The following HS3ST5 variants were observed in gnomAD, a reference collection of about 807,000 sequenced individuals.
HS3ST5 encodes heparan sulfate glucosamine 3-O-sulfotransferase 5.
Under a neutral mutation model 25.4 loss-of-function variants are expected in HS3ST5, and 10 were observed. The ratio of observed to expected loss-of-function variants is 0.39; its 90% CI spans 0.24 to 0.67. HS3ST5 has a LOEUF of 0.67. Ranked by LOEUF, HS3ST5 falls within the 30% of genes least tolerant of loss-of-function variation. The pLI is 0.44. For synonymous variants in HS3ST5, 170 were observed against 162.4 expected (o/e 1.05, Z -0.36); for missense variants, 324 against 420.7 (o/e 0.77, Z 2.01).
At chr6:114,168,268 A>C (rs966006712) in intron 3 of HS3ST5, 83 bp downstream of exon 3, 7 of 152,294 alleles carry the variant, frequency 4.6e-5, no homozygotes, top group African/African-American at 1.7e-4. Flanking sequence ...GAGTGATGAG[A>C]TGGCAGGTAT....
chr6:114,137,603 C>A (rs1777692345), intron 3 of HS3ST5, among the ~76,000 whole-genome samples: 1 of 152,168 alleles, frequency 6.6e-6, no homozygotes, highest in Non-Finnish European at 1.5e-5. Context: ...CAAGTTGTGT[C>A]TCTCCTGAAG....
At chr6:114,063,700 G>A (rs1773278243) in intron 3 of HS3ST5, among the ~76,000 whole-genome samples, 1 of 152,142 alleles carries the variant, frequency 6.6e-6, no homozygotes. Context: ...GAAGAAGGGG[G>A]TGAAATCGAA....
At chr6:114,084,553 G>A in intron 3 of HS3ST5, 1 of 760,732 alleles carries the variant, frequency 1.3e-6, no homozygotes, top group East Asian at 2.4e-5. Context: ...CGCTGAGTGA[G>A]CTCCCTCGTT....
intron 1 of HS3ST5, among the ~76,000 whole-genome samples, chr6:114,237,638 G>A (rs1771920493): frequency 6.6e-6 from 1 of 152,188 alleles, no homozygotes; most frequent in Non-Finnish European, 1.5e-5. Flanking sequence ...TGAGCTGAGA[G>A]TCACTGAATA....
intron 1 of HS3ST5, among the ~76,000 whole-genome samples, chr6:114,253,955 T>C (rs1772783017): frequency 6.6e-6 from 1 of 151,926 alleles, no homozygotes; most frequent in Non-Finnish European, 1.5e-5. Flanking sequence ...AGAGATTGTG[T>C]GCAATGGGTA....
chr6:114,287,814 C>A (rs1363112437), intron 1 of HS3ST5, among the ~76,000 whole-genome samples: 3 of 151,976 alleles, frequency 2.0e-5, no homozygotes, highest in Non-Finnish European at 4.4e-5. Flanking sequence ...TTGTCCAATG[C>A]TGGCTATTTT....
At chr6:114,300,163 T>A (rs1775011131) in intron 1 of HS3ST5, among the ~76,000 whole-genome samples, 1 of 151,558 alleles carries the variant, frequency 6.6e-6, no homozygotes, top group Non-Finnish European at 1.5e-5. Context: ...CCGGATTTCA[T>A]CAAAATTAAA....
At chr6:114,143,894 C>T (rs1778028369) in intron 3 of HS3ST5, 1 of 152,668 alleles carries the variant, frequency 6.6e-6, no homozygotes, top group African/African-American at 2.4e-5. Context: ...CTCCGCCTTT[C>T]CCAATAAACT....
chr6:114,201,638 A>G (rs1445445943), intron 2 of HS3ST5, among the ~76,000 whole-genome samples: 1 of 152,170 alleles, frequency 6.6e-6, no homozygotes, highest in East Asian at 1.9e-4. Flanking sequence ...CCTAAACGTC[A>G]GCTTCTCAAT....
chr6:114,222,843 T>C (rs1373323279), intron 2 of HS3ST5, among the ~76,000 whole-genome samples: 1 of 151,874 alleles, frequency 6.6e-6, no homozygotes, highest in African/African-American at 2.4e-5. Context: ...AATGTCTTAG[T>C]GACCTACTCT....
At chr6:114,159,084 AT>A (rs1454171053) in intron 3 of HS3ST5, among the ~76,000 whole-genome samples, 2 of 152,236 alleles carry the variant, frequency 1.3e-5, no homozygotes, top group Admixed American at 6.5e-5. Context: ...AAACCTAGAA[AT>A]TATTTACCCA....
intron 3 of HS3ST5, chr6:114,084,546 TGA>T (rs946575321): frequency 1.4e-4 from 109 of 760,494 alleles, no homozygotes; most frequent in South Asian, 3.5e-4. Context: ...TCACACCCGC[TGA>T]GTGAGCTCCC....
chr6:114,143,451 C>A (rs965552478), intron 3 of HS3ST5, among the ~76,000 whole-genome samples: 2 of 152,112 alleles, frequency 1.3e-5, no homozygotes, highest in Admixed American at 6.5e-5. Context: ...ATGTCCATTG[C>A]AGAATAGGAG....
chr6:114,171,483 T>A (rs1434446083), intron 2 of HS3ST5, among the ~76,000 whole-genome samples: 1 of 152,166 alleles, frequency 6.6e-6, no homozygotes, highest in Non-Finnish European at 1.5e-5. Flanking sequence ...TGTCCTACAA[T>A]CCTTAGTGTG....
intron 1 of HS3ST5, among the ~76,000 whole-genome samples, chr6:114,292,507 T>G (rs1309319640): frequency 6.6e-6 from 1 of 152,208 alleles, no homozygotes; most frequent in Non-Finnish European, 1.5e-5. Flanking sequence ...GAATTAAGTT[T>G]CCAACACACA....
At chr6:114,182,628 G>A (rs777279149) in intron 2 of HS3ST5, among the ~76,000 whole-genome samples, 3 of 152,108 alleles carry the variant, frequency 2.0e-5, no homozygotes, top group Non-Finnish European at 4.4e-5. Context: ...AGTGGAATTA[G>A]TCTCCATGAA....
chr6:114,341,680 C>A (rs1416475346), intron 1 of HS3ST5, among the ~76,000 whole-genome samples: 1 of 151,688 alleles, frequency 6.6e-6, no homozygotes, highest in Non-Finnish European at 1.5e-5. Flanking sequence ...GAAGAGAAAA[C>A]CCCACCCACA....
chr6:114,243,823 C>T (rs1319936729), intron 1 of HS3ST5, among the ~76,000 whole-genome samples: 1 of 152,176 alleles, frequency 6.6e-6, no homozygotes, highest in Non-Finnish European at 1.5e-5. Flanking sequence ...ACACTGACTA[C>T]TGAAGAGGGT....
At chr6:114,191,457 C>T (rs893104337) in intron 2 of HS3ST5, among the ~76,000 whole-genome samples, 6 of 152,114 alleles carry the variant, frequency 3.9e-5, no homozygotes, top group Admixed American at 2.6e-4. Flanking sequence ...CTTATTTGTT[C>T]TGAAATAAAT....
Sources: allele counts gnomAD v4.1 joint callset (sites outside exome capture counted in the v4.1 genomes callset), GRCh38; gene constraint gnomAD v4.1.1; transcripts MANE v1.5; gene names NCBI Gene and HGNC (gene_info 2026-07-23, HGNC 2026-07-21).